STIM1: variants seen among roughly 807,000 people sequenced by gnomAD.
STIM1 encodes stromal interaction molecule 1.
In STIM1, 25 loss-of-function variants were observed where a neutral mutation model predicts 74.7. The ratio of observed to expected loss-of-function variants is 0.33; its 90% CI spans 0.24 to 0.47. The LOEUF is 0.47. Among genes scored for constraint, STIM1 ranks in the 20% least tolerant of loss-of-function variants. The probability of loss-of-function intolerance (pLI) is 1.00; values close to 1 mark genes in which losing one functional copy is unlikely to be tolerated. For missense variants in STIM1, 728 were observed against 920.8 expected (o/e 0.79, Z 2.71); for synonymous variants, 328 against 348.8 (o/e 0.94, Z 0.66).
chr11:4,018,783 A>G (rs1240470208), intron 2 of STIM1, among the ~76,000 whole-genome samples: 2 of 152,168 alleles, frequency 1.3e-5, no homozygotes, highest in Non-Finnish European at 1.5e-5. Context: ...TTCCTTGAAC[A>G]TACCAAGTAT....
chr11:4,041,703 C>T (rs1351717825), intron 3 of STIM1, among the ~76,000 whole-genome samples: 2 of 152,012 alleles, frequency 1.3e-5, no homozygotes, highest in African/African-American at 4.8e-5. Flanking sequence ...GATCCTCCCA[C>T]CTCAGCCTCC....
At chr11:4,080,288 T>C (rs2094458232) in intron 7 of STIM1, among the ~76,000 whole-genome samples, 1 of 152,058 alleles carries the variant, frequency 6.6e-6, no homozygotes, top group South Asian at 2.1e-4. Context: ...GTTTACAGTA[T>C]GTGACAAGGT....
chr11:4,016,121 G>A (rs949558391), intron 2 of STIM1, among the ~76,000 whole-genome samples: 2 of 152,152 alleles, frequency 1.3e-5, no homozygotes, highest in African/African-American at 4.8e-5. Context: ...GAGGAGAAGA[G>A]GCGTTCCAGT....
intron 2 of STIM1, among the ~76,000 whole-genome samples, chr11:4,018,458 C>CA (rs1157096857): frequency 0.27 from 5,561 of 20,462 alleles, 1,785 homozygotes; most frequent in Non-Finnish European, 0.58. Context: ...GACTCCGTCT[C>CA]AAAAAAAAAA....
chr11:4,084,365 C>G (rs527358534), intron 10 of STIM1, among the ~76,000 whole-genome samples: 11 of 152,298 alleles, frequency 7.2e-5, no homozygotes, highest in African/African-American at 1.4e-4. Context: ...GATTCCCACT[C>G]GAGACAGAAT....
At chr11:3,907,398 G>A (rs2092482667) in intron 1 of STIM1, among the ~76,000 whole-genome samples, 1 of 152,030 alleles carries the variant, frequency 6.6e-6, no homozygotes, top group African/African-American at 2.4e-5. Flanking sequence ...TATCTAATAG[G>A]CATTTTAAAT....
chr11:3,931,385 G>A (rs1455652883), intron 1 of STIM1, among the ~76,000 whole-genome samples: 2 of 152,044 alleles, frequency 1.3e-5, no homozygotes, highest in African/African-American at 2.4e-5. Flanking sequence ...AATAAGACGT[G>A]GTCCTTACCT....
chr11:3,955,366 A>G (rs779453842), intron 1 of STIM1, among the ~76,000 whole-genome samples: 1 of 152,194 alleles, frequency 6.6e-6, no homozygotes, highest in African/African-American at 2.4e-5. Flanking sequence ...GCATTTTATT[A>G]TATGTAACTG....
In STIM1 at chr11:3,892,705, C is replaced by G. The variant is rs982958000; in HGVS notation, c.139+36296C>G. ...GGTGTGTGAAGTCACCACCCTGACA[C>G]ATAAACCCTGGAATAATTCTGTGAA... On this transcript the variant is annotated intron_variant, in intron 1 of 12. Coordinates refer to ENST00000526596, the MANE Select transcript of STIM1 (RefSeq NM_001382567.1). The G allele has an allele frequency of 2.5e-6, 4 of 1,612,940 alleles. No homozygotes were observed. In the African/African-American group the frequency reaches 5.3e-5, roughly 22 times the overall value.
intron 3 of STIM1, among the ~76,000 whole-genome samples, chr11:4,028,957 G>C (rs2094023263): frequency 6.6e-6 from 1 of 151,944 alleles, no homozygotes; most frequent in South Asian, 2.1e-4. Flanking sequence ...GGAGGCTGAG[G>C]CAGGCAGATC....
chr11:4,000,158 G>A (rs926420007), intron 2 of STIM1, among the ~76,000 whole-genome samples: 3 of 150,704 alleles, frequency 2.0e-5, no homozygotes, highest in African/African-American at 7.3e-5. Context: ...TGGGGGCAGG[G>A]CACAGACAAA....
chr11:4,059,400 AGTCTT>A lies in STIM1; in HGVS notation c.613+7_613+11del. Reference sequence around the variant, plus strand: ...GTGCTCTTTGGGCCTCCTCTCTGTGAGTCTTGTGTTGAGAAGGGCTACTGCTGTGC... The same window carrying A: ...GTGCTCTTTGGGCCTCCTCTCTGTGAGTGTTGAGAAGGGCTACTGCTGTGC... On this transcript the variant is annotated splice_donor_5th_base_variant and intron_variant, in intron 5 of 12. Coordinates refer to ENST00000526596, the MANE Select transcript of STIM1 (RefSeq NM_001382567.1). The A allele has an allele frequency of 6.2e-7, 1 of 1,613,258 alleles. No individual in the cohort carries two copies. Among genetic ancestry groups the A allele is most frequent in the Non-Finnish European group, 8.5e-7 (1 of 1,179,330 alleles).
chr11:3,982,218 G>A (rs559426168), intron 2 of STIM1, among the ~76,000 whole-genome samples: 16 of 151,452 alleles, frequency 1.1e-4, no homozygotes, highest in African/African-American at 3.9e-4. Flanking sequence ...GTAGAGACGG[G>A]GTTTCGCCAT....
intron 1 of STIM1, among the ~76,000 whole-genome samples, chr11:3,962,353 T>G (rs993592089): frequency 1.3e-5 from 2 of 152,180 alleles, no homozygotes; most frequent in African/African-American, 4.8e-5. Context: ...ATTTTCTGTT[T>G]CTCAGTTGTT....
At chr11:3,855,502 AG>A (rs1320948525), upstream of STIM1, 1 of 151,652 alleles carries the variant, frequency 6.6e-6, no homozygotes, top group Admixed American at 6.6e-5. Flanking sequence ...AGAGCCCGCT[AG>A]GGGCGGGGAT....
chr11:4,062,386 G>A (rs2094337091), intron 5 of STIM1, among the ~76,000 whole-genome samples: 1 of 152,222 alleles, frequency 6.6e-6, no homozygotes, highest in East Asian at 1.9e-4. Context: ...TTGGGAGGCT[G>A]AGGTGGGCAG....
rs1347880054 is a variant in STIM1, at chr11:3,882,113, T to C, written c.139+25704T>C. Among the ~76,000 whole-genome samples, 12 of 148,256 alleles carry C rather than the reference T, an allele frequency of 8.1e-5. No individual in the cohort carries two copies. In the South Asian group the frequency reaches 2.0e-3, roughly 24 times the overall value. ...ATTCCTTTTTTTTTTTTTTTTTTTTTTTTGAGACAGAGTTTCGCTCTTGTT... is the reference window on the plus strand; with the variant it reads ...ATTCCTTTTTTTTTTTTTTTTTTTTCTTTGAGACAGAGTTTCGCTCTTGTT... On this transcript the variant is annotated intron_variant, in intron 1 of 12. Transcript: ENST00000526596.
chr11:3,924,631 C>A (rs1374599420), intron 1 of STIM1, among the ~76,000 whole-genome samples: 1 of 152,080 alleles, frequency 6.6e-6, no homozygotes, highest in African/African-American at 2.4e-5. Flanking sequence ...TTGTAGTACT[C>A]AACACTTCCA....
chr11:3,975,789 A>G (rs2093442182), intron 2 of STIM1, among the ~76,000 whole-genome samples: 1 of 152,238 alleles, frequency 6.6e-6, no homozygotes, highest in African/African-American at 2.4e-5. Flanking sequence ...AATTAAAACC[A>G]TAATGAGGTA....
Sources: allele counts gnomAD v4.1 joint callset (sites outside exome capture counted in the v4.1 genomes callset), GRCh38; gene constraint gnomAD v4.1.1; transcripts MANE v1.5; gene names NCBI Gene and HGNC (gene_info 2026-07-23, HGNC 2026-07-21).